Variants in GFRA1 observed in about 807,000 individuals in gnomAD.
GFRA1 encodes GDNF family receptor alpha 1, also known as GDNF family receptor alpha-1.
In GFRA1, 16 loss-of-function variants were observed where a neutral mutation model predicts 51.6. That is an observed-to-expected ratio of 0.31 (90% CI 0.21 to 0.47). The LOEUF (loss-of-function observed/expected upper bound fraction) is 0.47, where lower values mean the gene tolerates loss of function less well. Ranked by LOEUF, GFRA1 falls within the 20% of genes least tolerant of loss-of-function variation. The pLI is 1.00. For synonymous variants in GFRA1, 270 were observed against 241.3 expected (o/e 1.12, Z -1.10); for missense variants, 530 against 594.3 (o/e 0.89, Z 1.13).
chr10:116,089,682 G>A (rs553735521), intron 9 of GFRA1, 59 bp downstream of exon 9: 53 of 1,413,516 alleles, frequency 3.7e-5, no homozygotes, highest in Admixed American at 3.3e-5. Context: ...GGGTCTGCCC[G>A]TGTTTCACCC....
At chr10:116,269,788 T>C (rs1843751103) in intron 3 of GFRA1, among the ~76,000 whole-genome samples, 1 of 152,054 alleles carries the variant, frequency 6.6e-6, no homozygotes, top group Admixed American at 6.6e-5. Context: ...CTCCCCAGAG[T>C]GCCATGAAAA....
chr10:116,262,593 T>TACA (rs1164996738), intron 4 of GFRA1, among the ~76,000 whole-genome samples: 1 of 152,256 alleles, frequency 6.6e-6, no homozygotes, highest in African/African-American at 2.4e-5. Context: ...TTAGCATGTT[T>TACA]ACAGCAGTTA....
chr10:116,235,915 G>C (rs539422336), intron 4 of GFRA1, among the ~76,000 whole-genome samples: 3 of 152,196 alleles, frequency 2.0e-5, no homozygotes, highest in African/African-American at 7.2e-5. Context: ...ACTGATCTTG[G>C]ACTTCCAGCC....
At position 116,062,409 on chromosome 10, in the gene GFRA1, T is replaced by G. The variant is rs1354044258; in HGVS notation, c.*1989A>C. 6.4e-6 allele frequency: 2 copies of G among 314,376 alleles called. No individual in the cohort carries two copies. The highest frequency in any genetic ancestry group is 4.3e-5 in the African/African-American group (2 of 46,882). 19.5% of individuals were successfully genotyped at this position (314,376 alleles called of 1,614,324 possible). The stretch of plus-strand genomic sequence containing the variant: ...AAATACAGTTGGGTGTCTGCTGAAT[T>G]TCCCTTGAAAACATTTTGAAGTGAA... On this transcript the variant is annotated 3_prime_UTR_variant, in exon 11 of 11. Transcript: ENST00000355422.
chr10:116,169,907 C>T (rs190011324), intron 5 of GFRA1, among the ~76,000 whole-genome samples: 3 of 152,252 alleles, frequency 2.0e-5, no homozygotes, highest in African/African-American at 7.2e-5. Context: ...TAACACACAC[C>T]CTCTGGGGCT....
At chr10:116,068,239 A>C (rs563780067) in intron 9 of GFRA1, among the ~76,000 whole-genome samples, 4 of 152,208 alleles carry the variant, frequency 2.6e-5, no homozygotes, top group Admixed American at 6.5e-5. Flanking sequence ...CACTGCTTAC[A>C]TTGTGTGTTA....
At chr10:116,154,062 C>T (rs1010344185) in intron 5 of GFRA1, among the ~76,000 whole-genome samples, 1 of 152,074 alleles carries the variant, frequency 6.6e-6, no homozygotes, top group Non-Finnish European at 1.5e-5. Context: ...ACACACCCAC[C>T]AAGATGGCTA....
At chr10:116,135,084 T>A (rs1200058373) in intron 5 of GFRA1, among the ~76,000 whole-genome samples, 3 of 152,204 alleles carry the variant, frequency 2.0e-5, no homozygotes, top group Non-Finnish European at 4.4e-5. Flanking sequence ...TGAAAAATGG[T>A]TGCAGGTGAT....
chr10:116,136,881 T>C (rs901032244), intron 5 of GFRA1, among the ~76,000 whole-genome samples: 4 of 151,892 alleles, frequency 2.6e-5, no homozygotes, highest in African/African-American at 4.8e-5. Context: ...TGCTCAGGAG[T>C]AGAAAATAAG....
At position 116,072,817 on chromosome 10, in the gene GFRA1, T is replaced by C. The variant is rs191794168; in HGVS notation, c.1198-7191A>G. 3.0e-3 allele frequency among the ~76,000 whole-genome samples: 452 copies of C among 152,178 alleles called. 2 individuals are homozygous for C. Among genetic ancestry groups the C allele is most frequent in the Non-Finnish European group, 2.5e-3 (169 of 67,990 alleles). ...AGAGCACAGGTTACAAGGTTCCTAG[T>C]CCTAGCTTTCCAACCATCATCCATG... is the stretch of plus-strand genomic sequence containing the variant. On this transcript the variant is annotated intron_variant, in intron 9 of 10. Transcript: ENST00000355422.
At chr10:116,188,623 GC>G (rs1962954526) in intron 5 of GFRA1, among the ~76,000 whole-genome samples, 1 of 152,154 alleles carries the variant, frequency 6.6e-6, no homozygotes, top group African/African-American at 2.4e-5. Flanking sequence ...TCAATGTTGG[GC>G]CGGGCACGGT....
chr10:116,154,176 T>C (rs536969894), intron 5 of GFRA1, among the ~76,000 whole-genome samples: 4 of 152,298 alleles, frequency 2.6e-5, no homozygotes, highest in South Asian at 4.1e-4. Flanking sequence ...CTAAACTGTC[T>C]GGCAGTACTA....
At chr10:116,070,916 C>T (rs1955360467) in intron 9 of GFRA1, among the ~76,000 whole-genome samples, 2 of 152,162 alleles carry the variant, frequency 1.3e-5, no homozygotes. Context: ...TGGAGGTTTG[C>T]TTTTCCTACA....
At chr10:116,123,080 C>T (rs1429678912) in intron 6 of GFRA1, among the ~76,000 whole-genome samples, 2 of 152,238 alleles carry the variant, frequency 1.3e-5, no homozygotes, top group Middle Eastern at 3.2e-3. Flanking sequence ...CGCTGGACCC[C>T]GAGCAAAGCT....
chr10:116,192,395 T>C (rs117381605), intron 5 of GFRA1, among the ~76,000 whole-genome samples: 1,697 of 152,292 alleles, frequency 0.011, 12 homozygotes, highest in Non-Finnish European at 0.016. Flanking sequence ...TCCACAGACC[T>C]GCCCTCAGCA....
rs1954862426 is a variant in GFRA1, at chr10:116,062,460, T to C, written c.*1938A>G. On this transcript the variant is annotated 3_prime_UTR_variant, in exon 11 of 11. Coordinates refer to ENST00000355422, the MANE Select transcript of GFRA1 (RefSeq NM_005264.8). Reference sequence around the variant, plus strand: ...AAAAGTCAGTACTGAGTACTGTACATTTGTGTTGATTAACATTTGGACACA... The same window carrying C: ...AAAAGTCAGTACTGAGTACTGTACACTTGTGTTGATTAACATTTGGACACA... 4.5e-6 allele frequency: 1 copy of C among 221,800 alleles called. No individual in the cohort carries two copies. 13.7% of individuals were successfully genotyped at this position (221,800 alleles called of 1,614,324 possible).
In GFRA1 at chr10:116,222,700, A is replaced by G. The variant is rs574531045; in HGVS notation, c.419-11055T>C. Among the ~76,000 whole-genome samples the G allele has an allele frequency of 2.6e-5, 4 of 152,340 alleles. No homozygotes were observed. In the South Asian group the frequency reaches 6.2e-4, roughly 24 times the overall value. On this transcript the variant is annotated intron_variant, in intron 4 of 10. Transcript: ENST00000355422. ...GAAGCAGGCAATTAGACAGAGATTT[A>G]TAAGAAATCAAGTTGCAGGATATCA...
At chr10:116,184,501 G>C (rs1962521433) in intron 5 of GFRA1, among the ~76,000 whole-genome samples, 1 of 152,242 alleles carries the variant, frequency 6.6e-6, no homozygotes, top group Non-Finnish European at 1.5e-5. Context: ...CATGAGGCCT[G>C]GCAGGGACCT....
At chr10:116,131,731 T>C (rs1958109888) in intron 5 of GFRA1, among the ~76,000 whole-genome samples, 1 of 152,060 alleles carries the variant, frequency 6.6e-6, no homozygotes, top group Non-Finnish European at 1.5e-5. Context: ...ATTAAAAGAC[T>C]GGCTGCTTCC....
Sources: allele counts gnomAD v4.1 joint callset (sites outside exome capture counted in the v4.1 genomes callset), GRCh38; gene constraint gnomAD v4.1.1; transcripts MANE v1.5; gene names NCBI Gene and HGNC (gene_info 2026-07-23, HGNC 2026-07-21).